Variants in SERBP1 observed in about 807,000 individuals in gnomAD.
The protein encoded by SERBP1 is SERPINE1 mRNA binding protein 1, also known as SERPINE1 mRNA-binding protein 1.
In SERBP1, 6 loss-of-function variants were observed where a neutral mutation model predicts 50.2. The ratio of observed to expected loss-of-function variants is 0.12; its 90% CI spans 0.07 to 0.24. The LOEUF is 0.24. SERBP1 is among the 10% of genes least tolerant of loss of function. SERBP1 has a pLI of 1.00. For synonymous variants in SERBP1, 168 were observed against 182.8 expected, an observed-to-expected ratio of 0.92 and a Z score of 0.65; for missense variants, 346 against 524.9, an observed-to-expected ratio of 0.66 and a Z score of 3.33.
At chr1:67,424,838 G>A (rs761765357) in intron 4 of SERBP1, 50 bp downstream of exon 4, 7 of 1,369,868 alleles carry the variant, frequency 5.1e-6, no homozygotes, top group East Asian at 2.3e-5. Context: ...CAGAGGTATG[G>A]ATTAACCTCT....
intron 7 of SERBP1, 102 bp downstream of exon 7, chr1:67,415,064 C>T: frequency 7.7e-7 from 1 of 1,292,184 alleles, no homozygotes. Context: ...GACACTGCTA[C>T]TACTTCTACT....
At position 67,409,421 on chromosome 1, in the gene SERBP1, C is replaced by CACCCA. The variant is rs1553132862; in HGVS notation, c.*3785_*3786insTGGGT. 5.5e-5 allele frequency: 6 copies of CACCCA among 108,950 alleles called. No individual in the cohort carries two copies. The highest frequency in any genetic ancestry group is 1.2e-4 in the African/African-American group (3 of 24,862). 6.7% of individuals were successfully genotyped at this position (108,950 alleles called of 1,614,324 possible). On this transcript the variant is annotated 3_prime_UTR_variant, in exon 8 of 8. Transcript: ENST00000361219. Reference sequence around the variant, plus strand: ...CACACACACACACACACACACACACCCCCACACACACCAGGTCACAGGCTG... The same window carrying CACCCA: ...CACACACACACACACACACACACACCACCCACCCACACACACCAGGTCACAGGCTG...
In SERBP1 at chr1:67,429,971, T is replaced by C; in HGVS notation, c.313+17A>G. The C allele has an allele frequency of 6.3e-7, 1 of 1,585,626 alleles. No individual in the cohort carries two copies. On this transcript the variant is annotated intron_variant, in intron 1 of 7. Transcript: ENST00000361219. Reference sequence around the variant, plus strand: ...TCCCTCCATCCCAGTCTCCCCCACATTCTGCCCCTGCTTTACCTTCTTTCT... The same window carrying C: ...TCCCTCCATCCCAGTCTCCCCCACACTCTGCCCCTGCTTTACCTTCTTTCT...
At position 67,429,002 on chromosome 1, in the gene SERBP1, A is replaced by C. The variant is rs1667477605; in HGVS notation, c.313+986T>G. ...CTTGCTCTTTTTTTTCATCCGCAAC[A>C]AACTGGTAAAGCGAATGCAAAAATC... On this transcript the variant is annotated intron_variant, in intron 1 of 7. Coordinates refer to ENST00000361219, the MANE Select transcript of SERBP1 (RefSeq NM_001018069.2). Among the ~76,000 whole-genome samples, 4 of 152,224 alleles carry C rather than the reference A, an allele frequency of 2.6e-5. No individual in the cohort carries two copies. In the South Asian group the frequency reaches 6.2e-4, roughly 24 times the overall value.
chr1:67,421,180 AGGATCTTG>A (rs1667185911), intron 5 of SERBP1, among the ~76,000 whole-genome samples: 3 of 152,292 alleles, frequency 2.0e-5, no homozygotes, highest in South Asian at 2.1e-4. Flanking sequence ...TTGAATTGAC[AGGATCTTG>A]GGATCTTGGG....
chr1:67,415,449 C>G (rs1162430101), intron 6 of SERBP1, 110 bp from the exon 7 acceptor site: 28 of 1,112,780 alleles, frequency 2.5e-5, no homozygotes, highest in Non-Finnish European at 3.4e-5. Flanking sequence ...ACTGTACTTT[C>G]TGTGAACAAA....
chr1:67,411,342 T>A lies in SERBP1; in HGVS notation c.*1865A>T, dbSNP rs1175179294. ...AAATCAAGAGGTTTATAAAACATGG[T>A]ACATGTTTGGAAATGAGTTAGATAC... On this transcript the variant is annotated 3_prime_UTR_variant, in exon 8 of 8. Transcript: ENST00000361219. 1 of 152,194 alleles carries A rather than the reference T, an allele frequency of 6.6e-6. No homozygotes were observed. The highest frequency in any genetic ancestry group is 2.4e-5 in the African/African-American group (1 of 41,448). 9.4% of individuals were successfully genotyped at this position (152,194 alleles called of 1,614,324 possible).
In SERBP1 at chr1:67,408,721, G is replaced by T. The variant is rs928927886; in HGVS notation, c.*4486C>A. 1 of 152,120 alleles carries T rather than the reference G, an allele frequency of 6.6e-6. No individual in the cohort carries two copies. Among genetic ancestry groups the T allele is most frequent in the African/African-American group, 2.4e-5 (1 of 41,416 alleles). 9.4% of individuals were successfully genotyped at this position (152,120 alleles called of 1,614,324 possible). On this transcript the variant is annotated 3_prime_UTR_variant, in exon 8 of 8. Coordinates refer to ENST00000361219, the MANE Select transcript of SERBP1 (RefSeq NM_001018069.2). The stretch of plus-strand genomic sequence containing the variant: ...AAAGGACTTACACAAAGGGATCTGA[G>T]TCACTAAATGTGAAATACTAATCAT...
Position 67,409,814 on chromosome 1 carries a change from A to T in SERBP1, c.*3393T>A, listed in dbSNP as rs576898517. 2.0e-5 allele frequency: 3 copies of T among 152,328 alleles called. No homozygotes were observed. In the South Asian group the frequency reaches 6.2e-4, roughly 32 times the overall value. 9.4% of individuals were successfully genotyped at this position (152,328 alleles called of 1,614,324 possible). On this transcript the variant is annotated 3_prime_UTR_variant, in exon 8 of 8. Transcript: ENST00000361219. ...AATTATCTTGCAAATGATATTGATA[A>T]ATCATTTAATTACTATGGTCCAGTT...
At chr1:67,424,451 C>T (rs528142708) in intron 4 of SERBP1, 174 bp from the exon 5 acceptor site, 6 of 746,832 alleles carry the variant, frequency 8.0e-6, no homozygotes, top group South Asian at 4.7e-5. Flanking sequence ...CCCCAGAAGA[C>T]GTCGAAAAGT....
chr1:67,424,169 G>A (rs1423452698), intron 5 of SERBP1, 31 bp downstream of exon 5: 2 of 1,576,594 alleles, frequency 1.3e-6, no homozygotes, highest in Admixed American at 1.9e-5. Context: ...TTCAATTCTG[G>A]GTCATTACTA....
chr1:67,415,609 G>C (rs1463560822), intron 6 of SERBP1, among the ~76,000 whole-genome samples: 2 of 152,114 alleles, frequency 1.3e-5, no homozygotes, highest in African/African-American at 4.8e-5. Context: ...CAACCCAAAC[G>C]GCTGAAGCCC....
intron 6 of SERBP1, among the ~76,000 whole-genome samples, chr1:67,419,340 T>C (rs1440997932): frequency 6.6e-6 from 1 of 152,236 alleles, no homozygotes; most frequent in African/African-American, 2.4e-5. Context: ...AACAGGTTAT[T>C]AGTAGTTAAG....
intron 1 of SERBP1, chr1:67,429,319 G>C (rs933183719): frequency 6.6e-6 from 1 of 152,142 alleles, no homozygotes; most frequent in Admixed American, 6.6e-5. Flanking sequence ...CTGGTTAATC[G>C]AGTGTGGCCA....
rs150760963 is a variant in SERBP1, at chr1:67,423,306, A to C, written c.773+894T>G. On this transcript the variant is annotated intron_variant, in intron 5 of 7. Transcript: ENST00000361219. ...GAGTGAACTCCATCTCACACACACAAAAAAAAAAGTTAGTGAAGGGCTGGG... is the reference window on the plus strand; with the variant it reads ...GAGTGAACTCCATCTCACACACACACAAAAAAAAGTTAGTGAAGGGCTGGG... Among the ~76,000 whole-genome samples, 1,140 of 147,462 alleles carry C rather than the reference A, an allele frequency of 7.7e-3. 9 individuals are homozygous for C. The highest frequency in any genetic ancestry group is 0.019 in the South Asian group (88 of 4,650).
In SERBP1 at chr1:67,430,365, G is replaced by A. The variant is rs912482131; in HGVS notation, c.-65C>T. ...GGGCCGCGCCGAGCCAAGAGCGCCTGCTTCAGCTCTTCCCACAAGATGGCC... is the reference window on the plus strand; with the variant it reads ...GGGCCGCGCCGAGCCAAGAGCGCCTACTTCAGCTCTTCCCACAAGATGGCC... On this transcript the variant is annotated 5_prime_UTR_variant, in exon 1 of 8. Transcript: ENST00000361219. 12 of 1,456,768 alleles carry A rather than the reference G, an allele frequency of 8.2e-6. No homozygotes were observed. The African/African-American group carries it at 1.0e-4, about 12-fold the overall frequency. The allele number at this position is 1,456,768 out of a possible 1,614,324, so 90.2% of individuals were successfully genotyped here. A position where few individuals can be genotyped will look rare whatever the true frequency, so the allele number is the denominator to read the frequency against.
In SERBP1 at chr1:67,411,357, G is replaced by T. The variant is rs983779399; in HGVS notation, c.*1850C>A. 1 of 152,204 alleles carries T rather than the reference G, an allele frequency of 6.6e-6. No individual in the cohort carries two copies. The highest frequency in any genetic ancestry group is 2.4e-5 in the African/African-American group (1 of 41,460). 9.4% of individuals were successfully genotyped at this position (152,204 alleles called of 1,614,324 possible). A position where few individuals can be genotyped will look rare whatever the true frequency, so the allele number is the denominator to read the frequency against. On this transcript the variant is annotated 3_prime_UTR_variant, in exon 8 of 8. Coordinates refer to ENST00000361219, the MANE Select transcript of SERBP1 (RefSeq NM_001018069.2). ...TAAAACATGGTACATGTTTGGAAAT[G>T]AGTTAGATACTTGAAAAGTCTAAAC...
At chr1:67,418,940 T>C (rs1055739226) in intron 6 of SERBP1, among the ~76,000 whole-genome samples, 6 of 152,156 alleles carry the variant, frequency 3.9e-5, no homozygotes, top group African/African-American at 1.2e-4. Context: ...AGAAAATGAA[T>C]TTAGGAGAAG....
chr1:67,414,866 A>T (rs1045497924), intron 7 of SERBP1, among the ~76,000 whole-genome samples: 2 of 152,234 alleles, frequency 1.3e-5, no homozygotes, highest in Admixed American at 1.3e-4. Context: ...TCTCATCTGG[A>T]AAATGAGAAT....
Sources: gnomAD v4.1 joint callset for allele counts (sites outside exome capture counted in the v4.1 genomes callset) on GRCh38, gnomAD v4.1.1 for gene constraint, MANE v1.5 for transcripts, NCBI Gene and HGNC (gene_info 2026-07-23, HGNC 2026-07-21) for gene names.